Variants in CSMD1 observed in about 807,000 individuals in gnomAD.
CSMD1 encodes the protein CUB and Sushi multiple domains 1, also known as CUB and sushi domain-containing protein 1.
In CSMD1, 213 loss-of-function variants were observed where a neutral mutation model predicts 417.5. The observed-to-expected ratio is 0.51, with a 90% confidence interval of 0.46 to 0.57. The LOEUF (loss-of-function observed/expected upper bound fraction) is 0.57, where lower values mean the gene tolerates loss of function less well. CSMD1 is among the 20% of genes least tolerant of loss of function. The pLI is 0.00. For missense variants in CSMD1, 6,923 were observed against 4,529.7 expected, an observed-to-expected ratio of 1.53 and a Z score of -15.17; for synonymous variants, 2,862 against 1,736.8, an observed-to-expected ratio of 1.65 and a Z score of -16.11.
intron 6 of CSMD1, among the ~76,000 whole-genome samples, chr8:3,711,646 G>A (rs1801515238): frequency 1.3e-5 from 2 of 152,082 alleles, no homozygotes; most frequent in South Asian, 2.1e-4. Flanking sequence ...ACACGAGATG[G>A]GGTATCTGCT....
In CSMD1 at chr8:4,030,435, C is replaced by G. The variant is rs370277228; in HGVS notation, c.610+1470G>C. Reference sequence around the variant, plus strand: ...ACATGGAAGCTGCCAAGGCTTGAGGCTTACATCCTCTGATGACACAGCCTG... The same window carrying G: ...ACATGGAAGCTGCCAAGGCTTGAGGGTTACATCCTCTGATGACACAGCCTG... On this transcript the variant is annotated intron_variant, in intron 4 of 69. Transcript: ENST00000635120. 2.6e-5 allele frequency among the ~76,000 whole-genome samples: 4 copies of G among 152,236 alleles called. No homozygotes were observed. In the East Asian group the frequency reaches 5.8e-4, roughly 22 times the overall value.
At chr8:3,745,450 C>T (rs1187955752) in intron 6 of CSMD1, among the ~76,000 whole-genome samples, 2 of 152,178 alleles carry the variant, frequency 1.3e-5, no homozygotes, top group Non-Finnish European at 2.9e-5. Context: ...GAGTAAATGC[C>T]AACTTGACGT....
At chr8:4,169,562 A>G (rs532138802) in intron 3 of CSMD1, among the ~76,000 whole-genome samples, 1 of 152,162 alleles carries the variant, frequency 6.6e-6, no homozygotes, top group Non-Finnish European at 1.5e-5. Context: ...TACTTTTCTC[A>G]TATTTTGCTC....
chr8:3,843,679 G>A (rs756911761), intron 5 of CSMD1, among the ~76,000 whole-genome samples: 3 of 152,180 alleles, frequency 2.0e-5, no homozygotes, highest in Non-Finnish European at 4.4e-5. Flanking sequence ...GTGAGTGACG[G>A]GAGCCCACAG....
chr8:3,966,617 A>AT (rs1419237895), intron 5 of CSMD1, among the ~76,000 whole-genome samples: 1 of 151,666 alleles, frequency 6.6e-6, no homozygotes, highest in East Asian at 2.0e-4. Context: ...CATATTCATT[A>AT]TTTTTTCAAT....
At chr8:3,669,981 T>A (rs1798903270) in intron 7 of CSMD1, among the ~76,000 whole-genome samples, 1 of 152,180 alleles carries the variant, frequency 6.6e-6, no homozygotes. Flanking sequence ...TATTTTAAGC[T>A]ATCAGGTGCA....
intron 5 of CSMD1, among the ~76,000 whole-genome samples, chr8:3,830,574 T>G (rs1447137689): frequency 3.9e-5 from 6 of 152,178 alleles, no homozygotes; most frequent in Non-Finnish European, 7.3e-5. Context: ...AATAAGTTAT[T>G]ATTGAAGAAT....
At chr8:3,152,865 G>C (rs1209521471) in intron 39 of CSMD1, among the ~76,000 whole-genome samples, 1 of 152,160 alleles carries the variant, frequency 6.6e-6, no homozygotes, top group Non-Finnish European at 1.5e-5. Flanking sequence ...AAATCTGAGT[G>C]GCATGCCTAC....
chr8:3,024,418 G>C (rs1000545228), intron 51 of CSMD1, among the ~76,000 whole-genome samples: 3 of 151,986 alleles, frequency 2.0e-5, no homozygotes, highest in Non-Finnish European at 4.4e-5. Flanking sequence ...CGATTCTCCT[G>C]CCTCAGCCTC....
chr8:3,053,600 T>C (rs771038823), intron 49 of CSMD1, among the ~76,000 whole-genome samples: 142 of 152,256 alleles, frequency 9.3e-4, no homozygotes, highest in Non-Finnish European at 1.8e-3. Context: ...GGAAAGACCA[T>C]GCAAGAAAGA....
chr8:3,695,093 T>C (rs1431520059), intron 7 of CSMD1, among the ~76,000 whole-genome samples: 1 of 150,860 alleles, frequency 6.6e-6, no homozygotes, highest in Non-Finnish European at 1.5e-5. Context: ...CCTGCGTGTG[T>C]GTGTGTGTGT....
chr8:4,039,479 C>A (rs569269277), intron 3 of CSMD1, among the ~76,000 whole-genome samples: 38 of 152,270 alleles, frequency 2.5e-4, no homozygotes, highest in Admixed American at 1.6e-3. Flanking sequence ...TCTTTACTGG[C>A]TCTCTGAATG....
chr8:3,963,249 G>T (rs773777627), intron 5 of CSMD1, among the ~76,000 whole-genome samples: 1 of 152,082 alleles, frequency 6.6e-6, no homozygotes, highest in African/African-American at 2.4e-5. Flanking sequence ...TTTGAATATT[G>T]TAATTGTAAT....
chr8:4,195,368 C>A (rs1388152492), intron 3 of CSMD1, among the ~76,000 whole-genome samples: 1 of 152,144 alleles, frequency 6.6e-6, no homozygotes, highest in Non-Finnish European at 1.5e-5. Flanking sequence ...CAAATTGGAT[C>A]TTCTATAACA....
chr8:4,677,930 G>A (rs1462103073), intron 1 of CSMD1, among the ~76,000 whole-genome samples: 1 of 152,044 alleles, frequency 6.6e-6, no homozygotes, highest in African/African-American at 2.4e-5. Flanking sequence ...TGATTCCGTA[G>A]GTATAAAACA....
At chr8:3,982,588 C>T (rs1243037051) in intron 5 of CSMD1, among the ~76,000 whole-genome samples, 1 of 151,194 alleles carries the variant, frequency 6.6e-6, no homozygotes, top group Non-Finnish European at 1.5e-5. Context: ...TTTAGAATTT[C>T]ACTACTATTA....
intron 3 of CSMD1, among the ~76,000 whole-genome samples, chr8:4,210,955 C>T (rs973272604): frequency 3.4e-4 from 51 of 152,078 alleles, no homozygotes; most frequent in Non-Finnish European, 1.0e-4. Flanking sequence ...CTTTAAACTT[C>T]TCTAAATGAA....
intron 3 of CSMD1, among the ~76,000 whole-genome samples, chr8:4,379,902 A>G (rs113248161): frequency 0.034 from 5,253 of 152,312 alleles, 268 homozygotes; most frequent in African/African-American, 0.11. Context: ...TGTTCCACAC[A>G]CTGGACGTGA....
intron 5 of CSMD1, among the ~76,000 whole-genome samples, chr8:3,838,973 A>ATTC (rs1331188946): frequency 2.4e-5 from 3 of 124,650 alleles, no homozygotes; most frequent in African/African-American, 9.1e-5. Flanking sequence ...AATATTATAT[A>ATTC]TAATATATTA....
Sources: gnomAD v4.1 joint callset for allele counts (sites outside exome capture counted in the v4.1 genomes callset) on GRCh38, gnomAD v4.1.1 for gene constraint, MANE v1.5 for transcripts, NCBI Gene and HGNC (gene_info 2026-07-23, HGNC 2026-07-21) for gene names.